EBF2: variants seen among roughly 807,000 people sequenced by gnomAD.
EBF2 encodes EBF transcription factor 2, also known as transcription factor COE2.
Under a neutral mutation model 72.8 loss-of-function variants are expected in EBF2, and 21 were observed. The observed-to-expected ratio is 0.29, with a 90% CI of 0.20 to 0.42. EBF2 has a LOEUF of 0.42. EBF2 is among the 10% of genes least tolerant of loss of function. EBF2 has a pLI of 1.00. For synonymous variants in EBF2, 299 were observed against 274.2 expected (o/e 1.09, Z -0.89); for missense variants, 637 against 731.2 (o/e 0.87, Z 1.49).
intron 6 of EBF2, among the ~76,000 whole-genome samples, chr8:25,995,804 AG>A (rs1804616168): frequency 6.6e-6 from 1 of 152,058 alleles, no homozygotes; most frequent in Admixed American, 6.5e-5. Context: ...TGTGTAAAAA[AG>A]CTAATTTTAT....
At position 26,042,257 on chromosome 8, in the gene EBF2, C is replaced by G; in HGVS notation, c.132-6G>C. 1 of 1,610,724 alleles carries G rather than the reference C, an allele frequency of 6.2e-7. No homozygotes were observed. The highest frequency in any genetic ancestry group is 8.5e-7 in the Non-Finnish European group (1 of 1,178,234). On this transcript the variant is annotated splice_region_variant and splice_polypyrimidine_tract_variant and intron_variant, in intron 1 of 15. Transcript: ENST00000520164. The stretch of plus-strand genomic sequence containing the variant: ...CCCGGGACAGGGCGACCCCGCTGCA[C>G]AGGGAGAAAAACGGGGGAACACAAG...
At chr8:25,966,929 G>A (rs531233487) in intron 6 of EBF2, among the ~76,000 whole-genome samples, 1 of 152,338 alleles carries the variant, frequency 6.6e-6, no homozygotes, top group South Asian at 2.1e-4. Context: ...TGTCACTAGA[G>A]GGCCTGCCCA....
At chr8:25,935,029 G>A (rs1803552474) in intron 6 of EBF2, among the ~76,000 whole-genome samples, 1 of 152,200 alleles carries the variant, frequency 6.6e-6, no homozygotes, top group Admixed American at 6.5e-5. Flanking sequence ...CGCCAGGAGT[G>A]TGGGTGGGCA....
At chr8:25,945,770 A>C (rs1247120925) in intron 6 of EBF2, among the ~76,000 whole-genome samples, 1 of 151,950 alleles carries the variant, frequency 6.6e-6, no homozygotes, top group Non-Finnish European at 1.5e-5. Context: ...AGCTCTGTTA[A>C]ATTTTTACTG....
intron 13 of EBF2, among the ~76,000 whole-genome samples, chr8:25,860,766 C>T (rs1479133222): frequency 6.6e-6 from 1 of 152,144 alleles, no homozygotes; most frequent in Non-Finnish European, 1.5e-5. Flanking sequence ...ATCTACCTGC[C>T]TCAGCCTCCC....
chr8:25,951,841 A>C (rs1166010621), intron 6 of EBF2, among the ~76,000 whole-genome samples: 1 of 152,254 alleles, frequency 6.6e-6, no homozygotes, highest in African/African-American at 2.4e-5. Context: ...GTATGCTAAG[A>C]GAAACAAGCA....
intron 6 of EBF2, among the ~76,000 whole-genome samples, chr8:26,026,857 C>T (rs1481280981): frequency 6.6e-6 from 1 of 152,184 alleles, no homozygotes; most frequent in Non-Finnish European, 1.5e-5. Flanking sequence ...GGCTATGTGA[C>T]CTTGGCTGAG....
At chr8:25,885,638 A>G (rs544140655) in intron 10 of EBF2, among the ~76,000 whole-genome samples, 1 of 152,148 alleles carries the variant, frequency 6.6e-6, no homozygotes, top group African/African-American at 2.4e-5. Context: ...AGTTTCTCCT[A>G]TACTGTTCTC....
chr8:25,983,439 C>A (rs1481338637), intron 6 of EBF2, among the ~76,000 whole-genome samples: 1 of 152,124 alleles, frequency 6.6e-6, no homozygotes, highest in Non-Finnish European at 1.5e-5. Flanking sequence ...TTTGTTATTT[C>A]GTTTTATAAT....
At chr8:25,971,622 T>G (rs1014623769) in intron 6 of EBF2, among the ~76,000 whole-genome samples, 1 of 152,110 alleles carries the variant, frequency 6.6e-6, no homozygotes, top group Non-Finnish European at 1.5e-5. Flanking sequence ...CTAATATTGA[T>G]AGGTTAATGC....
intron 6 of EBF2, among the ~76,000 whole-genome samples, chr8:26,011,648 G>A (rs552274238): frequency 6.6e-6 from 1 of 152,100 alleles, no homozygotes; most frequent in South Asian, 2.1e-4. Context: ...AGTAAACATG[G>A]GATGGTACCA....
At chr8:25,865,223 C>G (rs1488081754) in intron 10 of EBF2, among the ~76,000 whole-genome samples, 1 of 152,180 alleles carries the variant, frequency 6.6e-6, no homozygotes, top group Non-Finnish European at 1.5e-5. Context: ...TAGCAACACT[C>G]CACCTTCTTC....
intron 6 of EBF2, among the ~76,000 whole-genome samples, chr8:26,006,997 G>A (rs893622261): frequency 5.3e-5 from 8 of 152,146 alleles, no homozygotes; most frequent in African/African-American, 1.4e-4. Context: ...TAAGTTATTC[G>A]GTTACTGAAG....
chr8:25,851,333 T>G (rs923431149), intron 14 of EBF2, among the ~76,000 whole-genome samples: 1 of 151,330 alleles, frequency 6.6e-6, no homozygotes, highest in Non-Finnish European at 1.5e-5. Flanking sequence ...CGTCTTCCTC[T>G]CCCGTAATTT....
At chr8:25,962,441 C>T (rs929701141) in intron 6 of EBF2, among the ~76,000 whole-genome samples, 4 of 152,054 alleles carry the variant, frequency 2.6e-5, no homozygotes, top group African/African-American at 9.7e-5. Flanking sequence ...CAACTTCCAA[C>T]TATTATCCAG....
intron 6 of EBF2, among the ~76,000 whole-genome samples, chr8:25,943,464 C>G (rs1174209084): frequency 6.6e-6 from 1 of 152,018 alleles, no homozygotes; most frequent in Non-Finnish European, 1.5e-5. Context: ...AAGTTATGAT[C>G]ATGCCACTGC....
In EBF2 at chr8:25,844,409, A is replaced by T. The variant is rs1585253048; in HGVS notation, c.*200T>A. 5.2e-6 allele frequency: 3 copies of T among 574,352 alleles called. No homozygotes were observed. The East Asian group carries it at 8.5e-5, about 16-fold the overall frequency. 35.6% of individuals were successfully genotyped at this position (574,352 alleles called of 1,614,324 possible). On this transcript the variant is annotated 3_prime_UTR_variant, in exon 16 of 16. Transcript: ENST00000520164. The stretch of plus-strand genomic sequence containing the variant: ...CAATGACATCTTTTGTCCTTGTCCC[A>T]AGAGGGTCAGTTTGTGTAGCCACCA...
chr8:26,014,355 A>G (rs11786179), intron 6 of EBF2, among the ~76,000 whole-genome samples: 10,228 of 152,126 alleles, frequency 0.067, 497 homozygotes, highest in Non-Finnish European at 0.096. Flanking sequence ...TCTGACTTTT[A>G]TTATTAGTAG....
At chr8:25,979,434 A>G (rs1485262443) in intron 6 of EBF2, among the ~76,000 whole-genome samples, 2 of 152,192 alleles carry the variant, frequency 1.3e-5, no homozygotes, top group African/African-American at 4.8e-5. Flanking sequence ...CGTGCTGCGT[A>G]ATATTTTTAA....
Sources: gnomAD v4.1 joint callset for allele counts (sites outside exome capture counted in the v4.1 genomes callset) on GRCh38, gnomAD v4.1.1 for gene constraint, MANE v1.5 for transcripts, NCBI Gene and HGNC (gene_info 2026-07-23, HGNC 2026-07-21) for gene names.